CREM: variants seen among roughly 807,000 people sequenced by gnomAD.
CREM encodes the protein cAMP responsive element modulator, also known as cAMP-responsive element modulator.
A neutral mutation model predicts 37.3 loss-of-function variants in CREM; 13 were observed. That is an observed-to-expected ratio of 0.35 (90% CI 0.23 to 0.55). The LOEUF is 0.55. Among genes scored for constraint, CREM ranks in the 20% least tolerant of loss-of-function variants. CREM has a pLI of 0.88. For synonymous variants in CREM, 124 were observed against 120.2 expected (o/e 1.03, Z -0.21); for missense variants, 296 against 362.3 (o/e 0.82, Z 1.49).
intron 6 of CREM, among the ~76,000 whole-genome samples, chr10:35,191,941 T>C (rs1338083429): frequency 8.8e-6 from 1 of 113,684 alleles, no homozygotes; most frequent in Non-Finnish European, 2.0e-5. Context: ...CTACTATCCT[T>C]GATGCCAGAA....
At chr10:35,199,007 G>A (rs2095304455) in intron 6 of CREM, among the ~76,000 whole-genome samples, 2 of 152,194 alleles carry the variant, frequency 1.3e-5, no homozygotes, top group Non-Finnish European at 2.9e-5. Context: ...AAATTAGCCG[G>A]GCGTGGTGGC....
chr10:35,151,837 G>C (rs1207236600), intron 3 of CREM, among the ~76,000 whole-genome samples: 1 of 152,160 alleles, frequency 6.6e-6, no homozygotes, highest in Non-Finnish European at 1.5e-5. Context: ...AGAATTAGAA[G>C]ACAATTCTTA....
chr10:35,162,097 A>T (rs2093329474), intron 3 of CREM, among the ~76,000 whole-genome samples: 1 of 152,238 alleles, frequency 6.6e-6, no homozygotes, highest in African/African-American at 2.4e-5. Context: ...TCAACCATAA[A>T]AAAGAATGAA....
intron 6 of CREM, among the ~76,000 whole-genome samples, chr10:35,203,039 G>A (rs918161994): frequency 2.6e-5 from 4 of 151,468 alleles, no homozygotes; most frequent in Non-Finnish European, 5.9e-5. Context: ...ATGAATGAAC[G>A]TCTTTTTTTG....
At chr10:35,180,309 T>C (rs1288959287) in intron 5 of CREM, among the ~76,000 whole-genome samples, 1 of 152,232 alleles carries the variant, frequency 6.6e-6, no homozygotes, top group African/African-American at 2.4e-5. Context: ...ATATTCTTTG[T>C]TTTTCCTTTA....
At chr10:35,178,785 G>A in intron 3 of CREM, 104 bp from the exon 4 acceptor site, 2 of 805,494 alleles carry the variant, frequency 2.5e-6, no homozygotes, top group South Asian at 3.9e-5. Context: ...TGCTTCCACA[G>A]CTCCTGGCTC....
rs373264098 is a variant in CREM at position 35,135,746 on chromosome 10, G to A, written c.-54-2036G>A. Among the ~76,000 whole-genome samples the A allele has an allele frequency of 3.2e-4, 22 of 68,234 alleles. 1 individual carries two copies. Among genetic ancestry groups the A allele is most frequent in the East Asian group, 4.4e-4 (1 of 2,284 alleles). 44.8% of individuals were successfully genotyped at this position (68,234 alleles called of 152,430 possible). On this transcript the variant is annotated intron_variant, in intron 1 of 7. Transcript: ENST00000685392. The stretch of plus-strand genomic sequence containing the variant: ...GAAAAAAAAAAAAAAAAAAAAAAGA[G>A]AGACATTAAAAAAAAATGAGACAAA...
At chr10:35,210,289 A>C (rs534232827) in intron 7 of CREM, 2 of 152,144 alleles carry the variant, frequency 1.3e-5, no homozygotes, top group Admixed American at 1.3e-4. Flanking sequence ...TGTCTTCTAC[A>C]TAGGAGTTAA....
In CREM at chr10:35,175,469, G is replaced by A. The variant is rs1478241896; in HGVS notation, c.169-3420G>A. 16 of 543,794 alleles carry A rather than the reference G, an allele frequency of 2.9e-5. No individual in the cohort carries two copies. In the East Asian group the frequency reaches 4.9e-4, roughly 17 times the overall value. 33.7% of individuals were successfully genotyped at this position (543,794 alleles called of 1,614,324 possible). ...TCAAAAAAAAAAGAACCATAGTTAA[G>A]TTCTATCTCCAATTTCTCTGAAGAA... On this transcript the variant is annotated intron_variant, in intron 3 of 7. Transcript: ENST00000685392.
chr10:35,161,808 A>G (rs772574772), intron 3 of CREM, among the ~76,000 whole-genome samples: 1 of 152,206 alleles, frequency 6.6e-6, no homozygotes, highest in Non-Finnish European at 1.5e-5. Context: ...AAAAGGGAAC[A>G]CTTATACACT....
chr10:35,134,548 C>CT (rs1400090209), intron 1 of CREM, among the ~76,000 whole-genome samples: 1 of 152,180 alleles, frequency 6.6e-6, no homozygotes, highest in Non-Finnish European at 1.5e-5. Context: ...TTAATACTAT[C>CT]TTTTCTCTAT....
chr10:35,174,731 C>G (rs2093973003), intron 3 of CREM, among the ~76,000 whole-genome samples: 1 of 152,142 alleles, frequency 6.6e-6, no homozygotes, highest in South Asian at 2.1e-4. Context: ...AAAGTTTCTG[C>G]AATTATGCTA....
intron 3 of CREM, among the ~76,000 whole-genome samples, chr10:35,157,772 T>C (rs2093008902): frequency 6.6e-6 from 1 of 152,026 alleles, no homozygotes; most frequent in Non-Finnish European, 1.5e-5. Context: ...AGTCAACTTT[T>C]CCCTGTTCAT....
At chr10:35,174,047 T>C (rs773912774) in intron 3 of CREM, among the ~76,000 whole-genome samples, 2 of 152,192 alleles carry the variant, frequency 1.3e-5, no homozygotes, top group Non-Finnish European at 2.9e-5. Context: ...ACTGGTTCCA[T>C]AATGGGAGGA....
intron 3 of CREM, among the ~76,000 whole-genome samples, chr10:35,168,221 G>A (rs1333488042): frequency 6.6e-6 from 1 of 152,198 alleles, no homozygotes; most frequent in African/African-American, 2.4e-5. Flanking sequence ...CACCAACAGT[G>A]TAAAAGTGTT....
intron 6 of CREM, among the ~76,000 whole-genome samples, chr10:35,193,622 C>G (rs970624946): frequency 6.6e-6 from 1 of 151,924 alleles, no homozygotes; most frequent in Non-Finnish European, 1.5e-5. Context: ...GAATTGAAAC[C>G]CTAACCCCAT....
intron 1 of CREM, among the ~76,000 whole-genome samples, chr10:35,129,887 C>T (rs975003708): frequency 9.9e-5 from 15 of 152,084 alleles, no homozygotes; most frequent in African/African-American, 3.6e-4. Context: ...TTGATATTAT[C>T]AACACAGGAA....
chr10:35,199,452 C>A (rs2095317119), intron 6 of CREM, among the ~76,000 whole-genome samples: 2 of 152,016 alleles, frequency 1.3e-5, no homozygotes, highest in Non-Finnish European at 2.9e-5. Flanking sequence ...TTTATGTAAA[C>A]TTTAAAATAA....
chr10:35,206,772 C>G, intron 6 of CREM, 123 bp from the exon 7 acceptor site: 2 of 908,390 alleles, frequency 2.2e-6, no homozygotes, highest in Non-Finnish European at 3.6e-6. Flanking sequence ...GAATAATTAT[C>G]TTAAACATTA....
Sources: allele counts gnomAD v4.1 joint callset (sites outside exome capture counted in the v4.1 genomes callset), GRCh38; gene constraint gnomAD v4.1.1; transcripts MANE v1.5; gene names NCBI Gene and HGNC (gene_info 2026-07-23, HGNC 2026-07-21).